Variants in UQCRC1 observed in about 807,000 individuals in gnomAD.
UQCRC1 encodes ubiquinol-cytochrome c reductase core protein 1.
In UQCRC1, 34 loss-of-function variants were observed where a neutral mutation model predicts 58.0. That is an observed-to-expected ratio of 0.59 (90% confidence interval 0.45 to 0.78). The LOEUF is 0.78. Ranked by LOEUF, UQCRC1 falls within the 30% of genes least tolerant of loss-of-function variation. The pLI is 0.00. For missense variants in UQCRC1, 610 were observed against 646.0 expected, an observed-to-expected ratio of 0.94 and a Z score of 0.60; for synonymous variants, 276 against 248.8, an observed-to-expected ratio of 1.11 and a Z score of -1.03.
intron 5 of UQCRC1, chr3:48,603,997 C>G: frequency 1.7e-6 from 1 of 598,780 alleles, no homozygotes. Flanking sequence ...ACACTTCGCC[C>G]TTGGACTGTC....
At chr3:48,609,050 T>C (rs2046438568) in intron 2 of UQCRC1, 112 bp downstream of exon 2, 2 of 1,460,958 alleles carry the variant, frequency 1.4e-6, no homozygotes, top group East Asian at 4.8e-5. Flanking sequence ...TGGTCCTGGG[T>C]CCGAACCCAA....
chr3:48,604,874 C>A, intron 3 of UQCRC1, 94 bp from the exon 4 acceptor site: 1 of 1,534,642 alleles, frequency 6.5e-7, no homozygotes, highest in East Asian at 2.3e-5. Flanking sequence ...ACCACTGGTC[C>A]ACAGGTACCT....
intron 2 of UQCRC1, among the ~76,000 whole-genome samples, chr3:48,608,706 T>A (rs1365372539): frequency 6.6e-6 from 1 of 152,246 alleles, no homozygotes. Context: ...AGAATTTGTA[T>A]TTTTTGGAAA....
Position 48,609,513 on chromosome 3 carries a change from G to T in UQCRC1, c.69+39C>A. Reference sequence around the variant, plus strand: ...AGCCCACACCTGTCCGCTTCCCGAAGCCCTGTCCCGAAGCCCCGCGCTCTC... The same window carrying T: ...AGCCCACACCTGTCCGCTTCCCGAATCCCTGTCCCGAAGCCCCGCGCTCTC... On this transcript the variant is annotated intron_variant, in intron 1 of 12. Coordinates refer to ENST00000203407, the MANE Select transcript of UQCRC1 (RefSeq NM_003365.3). 1.9e-6 allele frequency: 3 copies of T among 1,543,764 alleles called. No homozygotes were observed. In the South Asian group the frequency reaches 3.5e-5, roughly 18 times the overall value.
At chr3:48,602,616 G>A (rs577176361) in intron 6 of UQCRC1, among the ~76,000 whole-genome samples, 416 of 149,142 alleles carry the variant, frequency 2.8e-3, no homozygotes, top group Non-Finnish European at 5.1e-3. Flanking sequence ...TCCGTCCCCC[G>A]GGTTCAAGGG....
chr3:48,604,296 T>A lies in UQCRC1; in HGVS notation c.563A>T (p.His188Leu), dbSNP rs756265816. The A allele has an allele frequency of 6.2e-7, 1 of 1,613,786 alleles. No individual in the cohort carries two copies. The highest frequency in any genetic ancestry group is 1.7e-5 in the Admixed American group (1 of 60,028). The change falls in exon 5 of 13, where the codon CAT becomes CTT. Residue 188 changes from histidine to leucine, a missense_variant. Physicochemically the swap from His to Leu is moderately conservative, Grantham distance 99 (BLOSUM62 -3). Coordinates refer to ENST00000203407, the MANE Select transcript of UQCRC1 (RefSeq NM_003365.3). The part of the protein sequence containing the change: ...SMRDVVFNYL[H>L]ATAFQGTPLA... ...AGGTGTGCCCTGGAATGCTGTGGCA[T>A]GCAGGTAGTTAAAGACCACATCTCG...
At chr3:48,606,004 T>C (rs2046407712) in intron 2 of UQCRC1, 148 bp from the exon 3 acceptor site, 1 of 690,394 alleles carries the variant, frequency 1.4e-6, no homozygotes, top group Non-Finnish European at 2.4e-6. Context: ...ACCCCTGTGC[T>C]TGGGGACACA....
intron 10 of UQCRC1, 52 bp downstream of exon 10, chr3:48,600,430 C>T: frequency 6.2e-7 from 1 of 1,604,242 alleles, no homozygotes; most frequent in Non-Finnish European, 8.5e-7. Flanking sequence ...CACCTTGGTG[C>T]TGTCGCTGGC....
At chr3:48,599,575 G>A (rs1011038407) in intron 12 of UQCRC1, 60 bp downstream of exon 12, 21 of 1,567,540 alleles carry the variant, frequency 1.3e-5, no homozygotes, top group Non-Finnish European at 1.8e-5. Context: ...GAGGTGGAAG[G>A]GGAGGCCAAG....
intron 10 of UQCRC1, 22 bp from the exon 11 acceptor site, chr3:48,600,173 C>T: frequency 6.2e-7 from 1 of 1,613,242 alleles, no homozygotes; most frequent in Non-Finnish European, 8.5e-7. Context: ...AGAGAAGGCT[C>T]AGAGGTCCAC....
At chr3:48,599,503 TG>T in intron 12 of UQCRC1, 131 bp downstream of exon 12, 1 of 980,250 alleles carries the variant, frequency 1.0e-6, no homozygotes, top group Non-Finnish European at 1.5e-6. Flanking sequence ...GCCAGGGGAC[TG>T]GGGAGAGCTG....
chr3:48,604,463 G>C (rs767903332), intron 4 of UQCRC1, 32 bp from the exon 5 acceptor site: 2 of 1,609,942 alleles, frequency 1.2e-6, no homozygotes, highest in South Asian at 1.1e-5. Context: ...TTAGGTGCCA[G>C]GTGGACCACT....
At chr3:48,605,690 G>A in intron 3 of UQCRC1, 80 bp downstream of exon 3, 6 of 1,415,816 alleles carry the variant, frequency 4.2e-6, no homozygotes, top group Non-Finnish European at 5.8e-6. Flanking sequence ...CCATAATCAG[G>A]CTAATTTTTC....
At position 48,600,149 on chromosome 3, in the gene UQCRC1, T is replaced by C; in HGVS notation, c.1216A>G (p.Thr406Ala). ...RNALVSHLDG[T>A]TPVCEDIGRS... Reference sequence around the variant, plus strand: ...CCGATGTCCTCACACACAGGAGTAGTGCCTTTAAGGGTGAGAGAAGGCTCA... The same window carrying C: ...CCGATGTCCTCACACACAGGAGTAGCGCCTTTAAGGGTGAGAGAAGGCTCA... Residue 406 changes from threonine (T) to alanine (A), a missense_variant and splice_region_variant, in exon 11 of 13, where the codon ACT becomes GCT. Thr to Ala is a moderately conservative substitution (Grantham distance 58). Transcript: ENST00000203407. The C allele has an allele frequency of 6.2e-7, 1 of 1,614,036 alleles. No individual in the cohort carries two copies. The highest frequency in any genetic ancestry group is 8.5e-7 in the Non-Finnish European group (1 of 1,179,996).
At chr3:48,606,930 G>C (rs754890677) in intron 2 of UQCRC1, among the ~76,000 whole-genome samples, 14 of 151,786 alleles carry the variant, frequency 9.2e-5, no homozygotes, top group South Asian at 2.1e-4. Flanking sequence ...TGTGATGTCG[G>C]CTCACTCAAC....
At position 48,609,623 on chromosome 3, in the gene UQCRC1, T is replaced by G; in HGVS notation, c.-3A>C. The stretch of plus-strand genomic sequence containing the variant: ...CGACAGACCACGGACGCCGCCATCT[T>G]CCAGCTGCAGTCGGCCCTGTTGCGC... On this transcript the variant is annotated 5_prime_UTR_variant, in exon 1 of 13. Transcript: ENST00000203407. 1.3e-6 allele frequency: 2 copies of G among 1,566,302 alleles called. No individual in the cohort carries two copies. The highest frequency in any genetic ancestry group is 4.7e-5 in the East Asian group (2 of 42,454).
At position 48,604,302 on chromosome 3, in the gene UQCRC1, T is replaced by C. The variant is rs1460320534; in HGVS notation, c.557A>G (p.Tyr186Cys). 2 of 1,613,684 alleles carry C rather than the reference T, an allele frequency of 1.2e-6. No individual in the cohort carries two copies. The highest frequency in any genetic ancestry group is 1.3e-5 in the African/African-American group (1 of 74,898). ...GCCCTGGAATGCTGTGGCATGCAGG[T>C]AGTTAAAGACCACATCTCGCATAGA... ...DASMRDVVFN[Y>C]LHATAFQGTP... Residue 186 changes from tyrosine (Y) to cysteine (C), a missense_variant, in exon 5 of 13, where the codon TAC becomes TGC. Coordinates refer to ENST00000203407, the MANE Select transcript of UQCRC1 (RefSeq NM_003365.3).
At chr3:48,604,616 T>C in intron 4 of UQCRC1, 35 bp downstream of exon 4, 1 of 1,613,410 alleles carries the variant, frequency 6.2e-7, no homozygotes. Flanking sequence ...TCTGCTTCCC[T>C]GCCCTCTGTC....
intron 2 of UQCRC1, among the ~76,000 whole-genome samples, chr3:48,606,302 T>C (rs1283439869): frequency 6.6e-6 from 1 of 152,250 alleles, no homozygotes; most frequent in Admixed American, 6.5e-5. Context: ...GAAGGGACTA[T>C]TGGTTTAGAC....
Sources: allele counts gnomAD v4.1 joint callset (sites outside exome capture counted in the v4.1 genomes callset), GRCh38; gene constraint gnomAD v4.1.1; transcripts MANE v1.5; gene names NCBI Gene and HGNC (gene_info 2026-07-23, HGNC 2026-07-21).